The following PEX7 variants were observed in gnomAD, a reference collection of about 807,000 sequenced individuals.
PEX7 encodes peroxisomal biogenesis factor 7.
A neutral mutation model predicts 47.5 loss-of-function variants in PEX7; 34 were observed. That is an observed-to-expected ratio of 0.72 (90% CI 0.54 to 0.95). PEX7 has a LOEUF of 0.95. Among genes scored for constraint, PEX7 ranks in the 40% least tolerant of loss-of-function variants. The pLI is 0.00. For missense variants in PEX7, 394 were observed against 400.3 expected, an observed-to-expected ratio of 0.98 and a Z score of 0.13; for synonymous variants, 141 against 148.8, an observed-to-expected ratio of 0.95 and a Z score of 0.38.
intron 8 of PEX7, among the ~76,000 whole-genome samples, chr6:136,873,521 T>G (rs1562747389): frequency 6.6e-6 from 1 of 152,176 alleles, no homozygotes; most frequent in Non-Finnish European, 1.5e-5. Flanking sequence ...CTCTGCCTTC[T>G]AAAGATCATT....
intron 3 of PEX7, among the ~76,000 whole-genome samples, chr6:136,827,239 A>T (rs1304672944): frequency 6.6e-6 from 1 of 152,192 alleles, no homozygotes; most frequent in Non-Finnish European, 1.5e-5. Context: ...TAGTTATGTG[A>T]GGGGTCCAGA....
intron 5 of PEX7, among the ~76,000 whole-genome samples, chr6:136,859,014 G>GT (rs995509049): frequency 6.6e-6 from 1 of 152,184 alleles, no homozygotes; most frequent in Non-Finnish European, 1.5e-5. Context: ...CAGTCAAGAT[G>GT]TATTTTTATG....
intron 9 of PEX7, among the ~76,000 whole-genome samples, chr6:136,905,616 T>C (rs775515479): frequency 2.2e-4 from 33 of 152,348 alleles, no homozygotes; most frequent in Admixed American, 4.6e-4. Flanking sequence ...AATGCTACCA[T>C]GCTGACCTCT....
chr6:136,898,365 A>G, intron 9 of PEX7, 124 bp downstream of exon 9: 2 of 715,158 alleles, frequency 2.8e-6, no homozygotes, highest in South Asian at 1.5e-5. Flanking sequence ...GCGTTTGAGC[A>G]TTAAACTACT....
At chr6:136,829,981 A>G (rs1374194474) in intron 3 of PEX7, 1 of 702,884 alleles carries the variant, frequency 1.4e-6, no homozygotes, top group East Asian at 2.7e-5. Flanking sequence ...AACATAGCCA[A>G]TTTCTGTTTT....
intron 9 of PEX7, among the ~76,000 whole-genome samples, chr6:136,908,422 A>T (rs1775878442): frequency 1.3e-5 from 2 of 152,190 alleles, no homozygotes; most frequent in African/African-American, 4.8e-5. Flanking sequence ...AAGAAATATA[A>T]CATTTTGACA....
intron 3 of PEX7, among the ~76,000 whole-genome samples, chr6:136,831,379 C>G (rs1287158735): frequency 6.6e-6 from 1 of 152,146 alleles, no homozygotes; most frequent in South Asian, 2.1e-4. Flanking sequence ...CGATCACTTC[C>G]TACCGGGTTC....
intron 8 of PEX7, among the ~76,000 whole-genome samples, chr6:136,873,677 T>C (rs929205099): frequency 6.6e-6 from 1 of 152,194 alleles, no homozygotes; most frequent in African/African-American, 2.4e-5. Context: ...AAATAGTTTA[T>C]AGAGAATGTC....
chr6:136,889,420 G>T (rs1011523215), intron 8 of PEX7, among the ~76,000 whole-genome samples: 1 of 152,080 alleles, frequency 6.6e-6, no homozygotes, highest in African/African-American at 2.4e-5. Flanking sequence ...AACCAGATCC[G>T]TGTCTAATTC....
rs185086355 is a variant in PEX7 at position 136,893,485 on chromosome 6, C to T, written c.804-4657C>T. On this transcript the variant is annotated intron_variant, in intron 8 of 9. Transcript: ENST00000318471. ...TTGGGGCACTTGTCAATTGTCATTA[C>T]GTTTGTGTTTTGGTGATTTTTAAAA... Among the ~76,000 whole-genome samples, 213 of 152,288 alleles carry T rather than the reference C, an allele frequency of 1.4e-3. 1 individual carries two copies. The highest frequency in any genetic ancestry group is 4.3e-3 in the African/African-American group (177 of 41,566).
At chr6:136,912,283 C>T (rs1025242376) in intron 9 of PEX7, among the ~76,000 whole-genome samples, 1 of 150,948 alleles carries the variant, frequency 6.6e-6, no homozygotes, top group African/African-American at 2.4e-5. Context: ...TTTTTGTATC[C>T]CTAAGAAATC....
intron 9 of PEX7, among the ~76,000 whole-genome samples, chr6:136,899,080 C>CTTTTTT (rs71547049): frequency 1.4e-3 from 154 of 111,962 alleles, no homozygotes; most frequent in African/African-American, 1.7e-3. Context: ...TTTTTCTTTT[C>CTTTTTT]TTTTTTTTTT....
At chr6:136,871,651 T>G (rs1775183655) in intron 7 of PEX7, among the ~76,000 whole-genome samples, 1 of 152,178 alleles carries the variant, frequency 6.6e-6, no homozygotes, top group African/African-American at 2.4e-5. Context: ...CTCCACCTTC[T>G]GGGTTAAAGC....
intron 8 of PEX7, among the ~76,000 whole-genome samples, chr6:136,874,581 A>G (rs749748159): frequency 6.6e-6 from 1 of 150,540 alleles, no homozygotes; most frequent in Non-Finnish European, 1.5e-5. Flanking sequence ...CTGAGGTGGA[A>G]TTGCTTGAAC....
chr6:136,847,913 T>A (rs1290231165), intron 5 of PEX7, among the ~76,000 whole-genome samples: 1 of 152,222 alleles, frequency 6.6e-6, no homozygotes, highest in Non-Finnish European at 1.5e-5. Flanking sequence ...GGGATGGCAT[T>A]GAATCTATAA....
chr6:136,860,540 A>C (rs1015462379), intron 5 of PEX7, among the ~76,000 whole-genome samples: 2 of 150,700 alleles, frequency 1.3e-5, no homozygotes, highest in African/African-American at 4.9e-5. Context: ...GGCGGGAGGG[A>C]TAGCATTAGG....
At chr6:136,853,890 A>C (rs888137628) in intron 5 of PEX7, among the ~76,000 whole-genome samples, 2 of 152,190 alleles carry the variant, frequency 1.3e-5, no homozygotes, top group Non-Finnish European at 2.9e-5. Context: ...TCGACTTATA[A>C]GGTTATAAAC....
intron 3 of PEX7, among the ~76,000 whole-genome samples, chr6:136,842,851 G>T (rs1446935899): frequency 6.6e-6 from 1 of 152,184 alleles, no homozygotes; most frequent in African/African-American, 2.4e-5. Flanking sequence ...ACTCATTGAA[G>T]GACTTATCAG....
intron 5 of PEX7, among the ~76,000 whole-genome samples, chr6:136,862,044 T>A (rs1774974842): frequency 7.7e-6 from 1 of 130,080 alleles, no homozygotes; most frequent in Non-Finnish European, 1.6e-5. Context: ...TTATATATAT[T>A]ATATATATAT....
Sources: allele counts gnomAD v4.1 joint callset (sites outside exome capture counted in the v4.1 genomes callset), GRCh38; gene constraint gnomAD v4.1.1; transcripts MANE v1.5; gene names NCBI Gene and HGNC (gene_info 2026-07-23, HGNC 2026-07-21).